Variants in NOSTRIN observed in about 807,000 individuals in gnomAD.
NOSTRIN encodes the protein BM247 homolog.
A neutral mutation model predicts 59.0 loss-of-function variants in NOSTRIN; 63 were observed. That is an observed-to-expected ratio of 1.07 (90% CI 0.87 to 1.32). The LOEUF is 1.32. Among genes scored for constraint, NOSTRIN ranks in the 40% most tolerant of loss-of-function variants. NOSTRIN has a pLI of 0.00. For synonymous variants in NOSTRIN, 200 were observed against 165.4 expected, an observed-to-expected ratio of 1.21 and a Z score of -1.61; for missense variants, 512 against 473.1, an observed-to-expected ratio of 1.08 and a Z score of -0.76.
upstream of NOSTRIN, among the ~76,000 whole-genome samples, chr2:168,800,841 G>A (rs569583508): frequency 2.0e-5 from 3 of 150,128 alleles, no homozygotes; most frequent in Non-Finnish European, 3.0e-5. Flanking sequence ...GGGCAGAGAA[G>A]CCCCCTCAAG....
At chr2:168,809,794 A>G (rs1275201217) in intron 1 of NOSTRIN, among the ~76,000 whole-genome samples, 1 of 150,328 alleles carries the variant, frequency 6.7e-6, no homozygotes, top group Non-Finnish European at 1.5e-5. Context: ...ATAAAAAGTT[A>G]GTTTTATTGG....
upstream of NOSTRIN, among the ~76,000 whole-genome samples, chr2:168,793,700 C>A (rs1685414130): frequency 6.6e-6 from 1 of 152,170 alleles, no homozygotes; most frequent in African/African-American, 2.4e-5. Flanking sequence ...ACTCTATTTA[C>A]CTTTTGGTTA....
chr2:168,858,383 T>C (rs569997), intron 12 of NOSTRIN, among the ~76,000 whole-genome samples: 63,890 of 152,116 alleles, frequency 0.42, 14,322 homozygotes, highest in South Asian at 0.62. Flanking sequence ...AGATTTTGTG[T>C]CACCCACGGA....
intron 5 of NOSTRIN, among the ~76,000 whole-genome samples, chr2:168,830,778 G>T (rs535821432): frequency 6.6e-6 from 1 of 152,352 alleles, no homozygotes; most frequent in Admixed American, 6.5e-5. Flanking sequence ...AAAACTGGCA[G>T]TTAGGACTGT....
At chr2:168,807,643 C>G (rs548234200) in intron 1 of NOSTRIN, among the ~76,000 whole-genome samples, 3 of 152,052 alleles carry the variant, frequency 2.0e-5, no homozygotes, top group Non-Finnish European at 4.4e-5. Flanking sequence ...GGCATACTGG[C>G]GTTTGAGGTT....
chr2:168,848,694 A>AAGT (rs755870165), intron 8 of NOSTRIN, among the ~76,000 whole-genome samples: 1 of 152,204 alleles, frequency 6.6e-6, no homozygotes, highest in Non-Finnish European at 1.5e-5. Context: ...GCAAAAGAAC[A>AAGT]AGTAGTGTAT....
intron 2 of NOSTRIN, among the ~76,000 whole-genome samples, chr2:168,821,872 A>T (rs2105598182): frequency 6.6e-6 from 1 of 152,364 alleles, no homozygotes; most frequent in African/African-American, 2.4e-5. Flanking sequence ...CCGGAGTCAG[A>T]TCATGCAGAG....
rs80351979 is a variant in NOSTRIN, at chr2:168,804,750, A to G, written c.27+2077A>G. On this transcript the variant is annotated intron_variant, in intron 1 of 15. Transcript: ENST00000317647. ...CCATGTATGGAACTCAGTGGGTTGC[A>G]TGAACTTCAGTGAAAAAAAATCTCT... Among the ~76,000 whole-genome samples, 1,139 of 152,304 alleles carry G rather than the reference A, an allele frequency of 7.5e-3. 47 individuals are homozygous for G. The East Asian group carries it at 0.11, about 15-fold the overall frequency.
chr2:168,807,241 A>G (rs1201295001), intron 1 of NOSTRIN, among the ~76,000 whole-genome samples: 1 of 152,032 alleles, frequency 6.6e-6, no homozygotes, highest in Non-Finnish European at 1.5e-5. Flanking sequence ...AAGTTCCAAG[A>G]TTTTCTGAAC....
At chr2:168,810,116 C>G (rs1686057304) in intron 1 of NOSTRIN, among the ~76,000 whole-genome samples, 2 of 152,106 alleles carry the variant, frequency 1.3e-5, no homozygotes, top group African/African-American at 4.8e-5. Context: ...CGGTCCTCAC[C>G]CTCCTCCTCA....
intron 2 of NOSTRIN, among the ~76,000 whole-genome samples, chr2:168,823,008 CTTTTGT>C (rs771159389): frequency 1.8e-4 from 28 of 151,920 alleles, no homozygotes; most frequent in African/African-American, 5.8e-4. Context: ...AGTTGTATTA[CTTTTGT>C]TTTTGTTTTT....
At chr2:168,793,209 T>G (rs1685401045), upstream of NOSTRIN, among the ~76,000 whole-genome samples, 1 of 152,182 alleles carries the variant, frequency 6.6e-6, no homozygotes, top group Admixed American at 6.5e-5. Flanking sequence ...GCCTCACCAT[T>G]TTTCTCCTGG....
intron 10 of NOSTRIN, among the ~76,000 whole-genome samples, chr2:168,851,946 ACTCACAGGG>A (rs1377334007): frequency 6.6e-6 from 1 of 152,014 alleles, no homozygotes; most frequent in Non-Finnish European, 1.5e-5. Flanking sequence ...TTCCAAGCTG[ACTCACAGGG>A]CTGTTGGCAG....
At chr2:168,797,146 T>G (rs987012637), upstream of NOSTRIN, among the ~76,000 whole-genome samples, 5 of 136,652 alleles carry the variant, frequency 3.7e-5, no homozygotes, top group African/African-American at 1.3e-4. Flanking sequence ...TGGAGTGTGG[T>G]GGCATGAACA....
At chr2:168,793,888 A>G (rs1685418535), upstream of NOSTRIN, among the ~76,000 whole-genome samples, 1 of 152,216 alleles carries the variant, frequency 6.6e-6, no homozygotes, top group Admixed American at 6.5e-5. Context: ...CATGCATATC[A>G]AGTGTCAGCA....
At chr2:168,854,177 A>G (rs1471895343) in intron 10 of NOSTRIN, among the ~76,000 whole-genome samples, 3 of 152,222 alleles carry the variant, frequency 2.0e-5, no homozygotes, top group African/African-American at 7.2e-5. Flanking sequence ...CCCAGAATAT[A>G]AAGACACTTT....
rs16856043 is a variant in NOSTRIN at position 168,856,841 on chromosome 2, T to C, written c.1053+63T>C. The stretch of plus-strand genomic sequence containing the variant: ...TGAAAAGGGTTATTTTTAGAATACT[T>C]GTTTCTGGTCCACTTGGCCTTGTTT... On this transcript the variant is annotated intron_variant, in intron 12 of 15. Transcript: ENST00000317647. 0.012 allele frequency: 18,133 copies of C among 1,494,362 alleles called. 1,166 individuals carry two copies. The African/African-American group carries it at 0.17, about 14-fold the overall frequency. The allele number at this position is 1,494,362 out of a possible 1,614,324, so 92.6% of individuals were successfully genotyped here.
intron 2 of NOSTRIN, among the ~76,000 whole-genome samples, chr2:168,814,438 G>A (rs1686298147): frequency 6.6e-6 from 1 of 152,160 alleles, no homozygotes; most frequent in Admixed American, 6.5e-5. Context: ...AATGCGCCTT[G>A]CCCTTATTTT....
chr2:168,857,540 C>A (rs568291657), intron 12 of NOSTRIN, among the ~76,000 whole-genome samples: 1 of 152,022 alleles, frequency 6.6e-6, no homozygotes, highest in Non-Finnish European at 1.5e-5. Flanking sequence ...CATAGACATT[C>A]GTGGGGATTG....
Sources: gnomAD v4.1 joint callset for allele counts (sites outside exome capture counted in the v4.1 genomes callset) on GRCh38, gnomAD v4.1.1 for gene constraint, MANE v1.5 for transcripts, NCBI Gene and HGNC (gene_info 2026-07-23, HGNC 2026-07-21) for gene names.